The following SOX6 variants were observed in gnomAD, a reference collection of about 807,000 sequenced individuals.
SOX6 encodes the protein SRY-box transcription factor 6.
SOX6 carries 11 observed loss-of-function variants against 97.8 expected under a neutral mutation model. The ratio of observed to expected loss-of-function variants is 0.11; its 90% CI spans 0.07 to 0.19. SOX6 has a LOEUF of 0.19. Among genes scored for constraint, SOX6 ranks in the 10% least tolerant of loss-of-function variants. The probability of loss-of-function intolerance (pLI) is 1.00; values close to 1 mark genes in which losing one functional copy is unlikely to be tolerated. For synonymous variants in SOX6, 360 were observed against 371.4 expected (o/e 0.97, Z 0.35); for missense variants, 810 against 1,039.5 (o/e 0.78, Z 3.04).
Position 15,986,200 on chromosome 11 carries a change from T to G in SOX6, c.2183+4A>C, listed in dbSNP as rs780016386. 11 of 1,613,916 alleles carry G rather than the reference T, an allele frequency of 6.8e-6. No homozygotes were observed. The highest frequency in any genetic ancestry group is 8.5e-6 in the Non-Finnish European group (10 of 1,179,806). Reference sequence around the variant, plus strand: ...CCCAGGTGGCTAAATTCAGGAATACTTACCCCACAGTAAAGAACTGCCTCA... The same window carrying G: ...CCCAGGTGGCTAAATTCAGGAATACGTACCCCACAGTAAAGAACTGCCTCA... On this transcript the variant is annotated splice_donor_region_variant and intron_variant, in intron 15 of 15. Transcript: ENST00000683767.
chr11:16,321,376 A>AT (rs1390537384), intron 2 of SOX6, among the ~76,000 whole-genome samples: 2 of 152,062 alleles, frequency 1.3e-5, no homozygotes, highest in African/African-American at 4.8e-5. Flanking sequence ...AATAAAGGAG[A>AT]TTTTCCCATC....
chr11:16,257,615 A>T (rs1853733391), intron 3 of SOX6, among the ~76,000 whole-genome samples: 1 of 151,956 alleles, frequency 6.6e-6, no homozygotes, highest in East Asian at 1.9e-4. Context: ...TAGAGATAAC[A>T]TAGGAGAAAA....
chr11:16,010,533 G>A (rs548672002), intron 13 of SOX6, among the ~76,000 whole-genome samples: 68 of 152,042 alleles, frequency 4.5e-4, no homozygotes, highest in African/African-American at 1.3e-3. Flanking sequence ...TTAGAAGAAT[G>A]TTTTCTTACT....
chr11:16,291,396 A>C (rs1233918836), intron 3 of SOX6, among the ~76,000 whole-genome samples: 1 of 151,770 alleles, frequency 6.6e-6, no homozygotes, highest in African/African-American at 2.4e-5. Flanking sequence ...TAAACAAATA[A>C]ATGAGTGAAA....
intron 9 of SOX6, among the ~76,000 whole-genome samples, chr11:16,092,423 G>T (rs1848712055): frequency 6.6e-6 from 1 of 151,986 alleles, no homozygotes; most frequent in East Asian, 1.9e-4. Context: ...TGCCGCCAGT[G>T]ACTGACTGGG....
At chr11:16,425,204 C>A (rs1179126704) in intron 1 of SOX6, among the ~76,000 whole-genome samples, 2 of 152,318 alleles carry the variant, frequency 1.3e-5, no homozygotes, top group East Asian at 3.9e-4. Context: ...CTTATCAAAG[C>A]ATTTTCTAAG....
chr11:16,557,181 G>T (rs1031806481), intron 4 of SOX6, among the ~76,000 whole-genome samples: 2 of 151,756 alleles, frequency 1.3e-5, no homozygotes, highest in Non-Finnish European at 3.0e-5. Flanking sequence ...CATGTCAAAA[G>T]CCTCTTGAGT....
chr11:16,243,468 CA>C (rs1358624647), intron 3 of SOX6, among the ~76,000 whole-genome samples: 2 of 151,830 alleles, frequency 1.3e-5, no homozygotes, highest in East Asian at 3.9e-4. Flanking sequence ...ATAAAAAGAT[CA>C]AGACTATTGT....
chr11:16,568,569 T>A (rs918027194), intron 4 of SOX6, among the ~76,000 whole-genome samples: 1 of 152,146 alleles, frequency 6.6e-6, no homozygotes, highest in African/African-American at 2.4e-5. Context: ...CATTTTAAAA[T>A]GAATAATTTA....
intron 1 of SOX6, among the ~76,000 whole-genome samples, chr11:16,439,945 C>T (rs527771822): frequency 1.5e-4 from 23 of 152,220 alleles, no homozygotes; most frequent in African/African-American, 5.1e-4. Flanking sequence ...CTAGATTCTC[C>T]ACTTTCATAC....
chr11:16,599,322 A>G (rs1848243739), intron 4 of SOX6, among the ~76,000 whole-genome samples: 1 of 152,200 alleles, frequency 6.6e-6, no homozygotes, highest in Non-Finnish European at 1.5e-5. Context: ...GAGCCAGTAG[A>G]TTACAGAGCA....
At chr11:16,311,068 G>C (rs1428500309) in intron 3 of SOX6, among the ~76,000 whole-genome samples, 1 of 152,042 alleles carries the variant, frequency 6.6e-6, no homozygotes, top group Admixed American at 6.6e-5. Flanking sequence ...AGGGATGATT[G>C]GCTTTCAGTG....
intron 1 of SOX6, among the ~76,000 whole-genome samples, chr11:16,362,793 C>A (rs2134379219): frequency 6.6e-6 from 1 of 152,246 alleles, no homozygotes; most frequent in East Asian, 1.9e-4. Context: ...ATAAGCACGT[C>A]TACTCTTTCT....
chr11:16,700,632 A>C (rs565706858), intron 3 of SOX6, among the ~76,000 whole-genome samples: 2 of 152,148 alleles, frequency 1.3e-5, no homozygotes, highest in East Asian at 3.9e-4. Flanking sequence ...AAGTCAGAGT[A>C]TTTCTTCTCC....
chr11:16,133,983 C>A (rs1849889229), intron 6 of SOX6, among the ~76,000 whole-genome samples: 1 of 152,208 alleles, frequency 6.6e-6, no homozygotes, highest in Admixed American at 6.5e-5. Flanking sequence ...CCACGCCCAA[C>A]TATTATACAG....
intron 1 of SOX6, among the ~76,000 whole-genome samples, chr11:16,456,216 C>T (rs1228831076): frequency 6.6e-6 from 1 of 151,970 alleles, no homozygotes; most frequent in Non-Finnish European, 1.5e-5. Context: ...GATAACTAAA[C>T]TCATTTTAGT....
chr11:16,437,767 T>C (rs1458367582), intron 1 of SOX6, among the ~76,000 whole-genome samples: 1 of 145,290 alleles, frequency 6.9e-6, no homozygotes. Context: ...ATTATTTAAC[T>C]TGTCTGTGCT....
intron 1 of SOX6, among the ~76,000 whole-genome samples, chr11:16,420,375 G>A (rs1406046844): frequency 2.0e-5 from 3 of 152,110 alleles, no homozygotes; most frequent in Non-Finnish European, 2.9e-5. Flanking sequence ...AACAGCAGCC[G>A]ACTACATTTT....
chr11:16,087,725 G>A (rs896413464), intron 9 of SOX6, among the ~76,000 whole-genome samples: 2 of 152,158 alleles, frequency 1.3e-5, no homozygotes, highest in Non-Finnish European at 2.9e-5. Flanking sequence ...CTGCTAAGAT[G>A]AGTAAGATTT....
Sources: gnomAD v4.1 joint callset for allele counts (sites outside exome capture counted in the v4.1 genomes callset) on GRCh38, gnomAD v4.1.1 for gene constraint, MANE v1.5 for transcripts, NCBI Gene and HGNC (gene_info 2026-07-23, HGNC 2026-07-21) for gene names.